PMFBP1: variants seen among roughly 807,000 people sequenced by gnomAD.
The protein encoded by PMFBP1 is polyamine-modulated factor 1-binding protein 1.
A neutral mutation model predicts 137.8 loss-of-function variants in PMFBP1; 131 were observed. The ratio of observed to expected loss-of-function variants is 0.95; its 90% CI spans 0.82 to 1.10. The LOEUF (loss-of-function observed/expected upper bound fraction) is 1.10, where lower values mean the gene tolerates loss of function less well. Among genes scored for constraint, PMFBP1 ranks in the 50% least tolerant of loss-of-function variants. The pLI is 0.00. For synonymous variants in PMFBP1, 490 were observed against 450.4 expected, an observed-to-expected ratio of 1.09 and a Z score of -1.11; for missense variants, 1,199 against 1,175.4, an observed-to-expected ratio of 1.02 and a Z score of -0.29.
chr16:72,211,679 A>G, the PMFBP1 span, among the ~76,000 whole-genome samples: 4 of 152,206 alleles, frequency 2.6e-5, no homozygotes, highest in African/African-American at 9.6e-5. Context: ...GAGAATAAGA[A>G]AGAATTCTTA....
the PMFBP1 span, among the ~76,000 whole-genome samples, chr16:72,229,548 C>A: frequency 6.6e-6 from 1 of 151,948 alleles, no homozygotes; most frequent in Non-Finnish European, 1.5e-5. Flanking sequence ...AATAGGCATT[C>A]TGACTGGTGT....
At chr16:72,233,960 C>T in the PMFBP1 span, among the ~76,000 whole-genome samples, 1 of 152,052 alleles carries the variant, frequency 6.6e-6, no homozygotes, top group African/African-American at 2.4e-5. Context: ...ATGGGCAAAC[C>T]ATATTTTGTC....
chr16:72,241,126 C>CA, the PMFBP1 span, among the ~76,000 whole-genome samples: 1 of 152,104 alleles, frequency 6.6e-6, no homozygotes, highest in Admixed American at 6.5e-5. Flanking sequence ...ATCATGGTTA[C>CA]AAAATAGCAC....
chr16:72,149,693 C>T (rs750204717), intron 5 of PMFBP1, among the ~76,000 whole-genome samples: 2 of 152,058 alleles, frequency 1.3e-5, no homozygotes, highest in East Asian at 1.9e-4. Context: ...CATGGTGGCG[C>T]GTGACTGTAG....
rs760907607 is a variant in PMFBP1, at chr16:72,126,140, G to C, written c.2089-8C>G. ...CTCCTTCTGAAGGGCTATCTTTAAG[G>C]AGGGAGAGCAGAACTGTCAGGGTGC... On this transcript the variant is annotated splice_region_variant and splice_polypyrimidine_tract_variant and intron_variant, in intron 14 of 20. Coordinates refer to ENST00000237353, the MANE Select transcript of PMFBP1 (RefSeq NM_031293.3). 2.5e-6 allele frequency: 4 copies of C among 1,613,566 alleles called. No individual in the cohort carries two copies. In the East Asian group the frequency reaches 8.9e-5, roughly 36 times the overall value.
chr16:72,228,837 C>CT, the PMFBP1 span, among the ~76,000 whole-genome samples: 1,942 of 135,636 alleles, frequency 0.014, 16 homozygotes, highest in Non-Finnish European at 0.019. Context: ...TTATATATTA[C>CT]TTTTTTTTTT....
chr16:72,219,189 G>GTAGTCA, the PMFBP1 span, among the ~76,000 whole-genome samples: 4 of 152,240 alleles, frequency 2.6e-5, no homozygotes, highest in East Asian at 7.7e-4. Flanking sequence ...ATATTGTTGT[G>GTAGTCA]TAGTCACCAT....
Position 72,164,769 on chromosome 16 carries a change from T to C in PMFBP1, c.160A>G (p.Ser54Gly). ...QLCMEEAMNS[S>G]HDKKQAQALA... ...GCTGCTGCCAAGTCCCTTACGTGGC[T>C]GCTGTTCATTGCCTCCTCCATGCAG... is the stretch of plus-strand genomic sequence containing the variant. The change falls in exon 3 of 21, where the codon AGC becomes GGC. Residue 54 changes from serine (S) to glycine (G), a missense_variant. Coordinates refer to ENST00000237353, the MANE Select transcript of PMFBP1 (RefSeq NM_031293.3). The C allele has an allele frequency of 6.3e-7, 1 of 1,588,462 alleles. No homozygotes were observed. The highest frequency in any genetic ancestry group is 8.6e-7 in the Non-Finnish European group (1 of 1,160,620).
At chr16:72,133,050 T>G in intron 9 of PMFBP1, 59 bp from the exon 10 acceptor site, 2 of 1,584,918 alleles carry the variant, frequency 1.3e-6, no homozygotes, top group East Asian at 4.5e-5. Flanking sequence ...GTGAAGGCAA[T>G]GAGAGGTTGT....
At chr16:72,228,187 C>T in the PMFBP1 span, among the ~76,000 whole-genome samples, 2 of 152,106 alleles carry the variant, frequency 1.3e-5, no homozygotes, top group Non-Finnish European at 2.9e-5. Flanking sequence ...AGCCCTTCTC[C>T]CACCGTCGTT....
chr16:72,234,037 G>T, the PMFBP1 span, among the ~76,000 whole-genome samples: 3 of 152,118 alleles, frequency 2.0e-5, no homozygotes, highest in Admixed American at 6.6e-5. Flanking sequence ...TTTGCTATGA[G>T]GTTTCCTGTG....
the PMFBP1 span, among the ~76,000 whole-genome samples, chr16:72,216,536 C>A: frequency 6.6e-6 from 1 of 152,046 alleles, no homozygotes. Flanking sequence ...CTCAAGTTGG[C>A]GGCTCTAGAG....
the PMFBP1 span, among the ~76,000 whole-genome samples, chr16:72,193,876 C>G: frequency 1.3e-5 from 2 of 152,108 alleles, no homozygotes; most frequent in Non-Finnish European, 2.9e-5. Context: ...CACACCTCCC[C>G]AAGTTTTCCA....
chr16:72,192,667 C>T, the PMFBP1 span, among the ~76,000 whole-genome samples: 1 of 151,998 alleles, frequency 6.6e-6, no homozygotes, highest in Non-Finnish European at 1.5e-5. Context: ...GCAGGCAGAT[C>T]AGGAGATCAA....
At chr16:72,193,293 G>A in the PMFBP1 span, among the ~76,000 whole-genome samples, 1 of 152,108 alleles carries the variant, frequency 6.6e-6, no homozygotes, top group Non-Finnish European at 1.5e-5. Context: ...AAGAAGCTGA[G>A]GTGGGAGGAT....
the PMFBP1 span, among the ~76,000 whole-genome samples, chr16:72,230,739 C>T: frequency 6.6e-6 from 1 of 152,138 alleles, no homozygotes; most frequent in Admixed American, 6.6e-5. Flanking sequence ...CATTCACACC[C>T]ATCCCTTCTC....
upstream of PMFBP1, among the ~76,000 whole-genome samples, chr16:72,173,293 A>G (rs1461966357): frequency 6.6e-6 from 1 of 152,224 alleles, no homozygotes; most frequent in Non-Finnish European, 1.5e-5. Flanking sequence ...AAAAGTTGTA[A>G]TGGAACAAAT....
At chr16:72,222,879 G>C in the PMFBP1 span, among the ~76,000 whole-genome samples, 743 of 152,296 alleles carry the variant, frequency 4.9e-3, 4 homozygotes, top group Non-Finnish European at 8.1e-3. Context: ...CATTTAAGTT[G>C]ACTCTTAAAG....
At chr16:72,166,132 T>C (rs2043141339) in intron 2 of PMFBP1, among the ~76,000 whole-genome samples, 1 of 152,184 alleles carries the variant, frequency 6.6e-6, no homozygotes. Flanking sequence ...TCCTTCATGG[T>C]CAGTACATGG....
Sources: allele counts gnomAD v4.1 joint callset (sites outside exome capture counted in the v4.1 genomes callset), GRCh38; gene constraint gnomAD v4.1.1; transcripts MANE v1.5; gene names NCBI Gene and HGNC (gene_info 2026-07-23, HGNC 2026-07-21).